Variants in PAK3 observed in about 807,000 individuals in gnomAD.
PAK3 encodes the protein p21 (RAC1) activated kinase 3.
PAK3 carries 4 observed loss-of-function variants against 41.0 expected under a neutral mutation model. The observed-to-expected ratio is 0.10, with a 90% CI of 0.05 to 0.22. PAK3 has a LOEUF of 0.22. Ranked by LOEUF, PAK3 falls within the 10% of genes least tolerant of loss-of-function variation. The probability of loss-of-function intolerance (pLI) is 1.00; values close to 1 mark genes in which losing one functional copy is unlikely to be tolerated. For synonymous variants in PAK3, 146 were observed against 139.6 expected (o/e 1.05, Z -0.32); for missense variants, 205 against 409.9 (o/e 0.50, Z 4.32).
intron 4 of PAK3, among the ~76,000 whole-genome samples, chrX:111,116,698 C>T (rs1395345589): frequency 8.9e-6 from 1 of 111,880 alleles, no homozygotes; most frequent in East Asian, 2.8e-4. Flanking sequence ...ATGGAAGTCA[C>T]TCATAAAAAT....
chrX:111,134,180 C>T (rs1249359632), intron 5 of PAK3, among the ~76,000 whole-genome samples: 1 of 111,899 alleles, frequency 8.9e-6, no homozygotes, highest in African/African-American at 3.2e-5. Flanking sequence ...TTTGCTCAAC[C>T]TTGAACCATG....
intron 1 of PAK3, among the ~76,000 whole-genome samples, chrX:111,006,849 C>CTTACTTTCTTTCT (rs2091936239): frequency 4.7e-5 from 2 of 42,726 alleles, no homozygotes; most frequent in Non-Finnish European, 8.7e-5. Context: ...TTCTTTCTTT[C>CTTACTTTCTTTCT]TTTTTTTTTT....
intron 1 of PAK3, among the ~76,000 whole-genome samples, chrX:111,036,279 T>C (rs1386322305): frequency 8.9e-6 from 1 of 112,829 alleles, no homozygotes; most frequent in African/African-American, 3.2e-5. Context: ...CACCATTATG[T>C]GAGAAATGGT....
rs1366987193 is a variant in PAK3, at chrX:111,079,859, C to T, written c.-27-43218C>T. ...TTTGGAAGAAGTTGATTCCAACCCT[C>T]TTAGATGACTTTGATTAGGTTTAAG... is the stretch of plus-strand genomic sequence containing the variant. On this transcript the variant is annotated intron_variant, in intron 1 of 14. Transcript: ENST00000425146. Among the ~76,000 whole-genome samples the T allele has an allele frequency of 5.4e-5, 6 of 112,020 alleles. No individual in the cohort carries two copies. The Admixed American group carries it at 5.7e-4, about 11-fold the overall frequency.
chrX:110,955,678 G>A (rs1428410390), intron 1 of PAK3, among the ~76,000 whole-genome samples: 4 of 111,675 alleles, frequency 3.6e-5, no homozygotes, highest in Non-Finnish European at 5.7e-5. Context: ...AAGAAACTAC[G>A]GTCTTGTAAG....
intron 5 of PAK3, among the ~76,000 whole-genome samples, chrX:111,141,670 G>T (rs1172851881): frequency 8.9e-6 from 1 of 111,891 alleles, no homozygotes; most frequent in Non-Finnish European, 1.9e-5. Context: ...CGTTAACATA[G>T]AAACAATTCA....
At chrX:111,130,222 A>T (rs1191860028) in intron 5 of PAK3, among the ~76,000 whole-genome samples, 1 of 111,463 alleles carries the variant, frequency 9.0e-6, no homozygotes, top group Admixed American at 9.6e-5. Context: ...TGCATGTGTG[A>T]GTGGGGGTGA....
chrX:111,163,105 G>A (rs1021577173), intron 9 of PAK3, 59 bp downstream of exon 9: 1 of 1,074,884 alleles, frequency 9.3e-7, no homozygotes, highest in African/African-American at 1.8e-5. Context: ...AATAGTCATA[G>A]AGTTAGAATA....
chrX:110,969,822 G>A (rs2091168582), intron 1 of PAK3, among the ~76,000 whole-genome samples: 1 of 111,790 alleles, frequency 8.9e-6, no homozygotes, highest in African/African-American at 3.2e-5. Context: ...GCTATGCTAG[G>A]TCTTTCCAAA....
intron 11 of PAK3, among the ~76,000 whole-genome samples, chrX:111,175,357 CATT>C (rs1198859046): frequency 9.0e-6 from 1 of 111,417 alleles, no homozygotes; most frequent in Non-Finnish European, 1.9e-5. Flanking sequence ...TAAAGTATCT[CATT>C]AATATATTTT....
At chrX:111,012,944 C>T (rs895755105) in intron 1 of PAK3, among the ~76,000 whole-genome samples, 5 of 111,346 alleles carry the variant, frequency 4.5e-5, no homozygotes, top group South Asian at 3.9e-4. Context: ...TCACAGCACC[C>T]GGCTTATTTT....
chrX:111,084,366 A>T (rs1731310936), intron 1 of PAK3, among the ~76,000 whole-genome samples: 1 of 112,619 alleles, frequency 8.9e-6, no homozygotes, highest in South Asian at 3.7e-4. Context: ...CAGATTATTG[A>T]TTTACTGGAT....
intron 1 of PAK3, among the ~76,000 whole-genome samples, chrX:110,953,102 T>C (rs2090779288): frequency 1.8e-5 from 2 of 112,334 alleles, no homozygotes; most frequent in South Asian, 3.7e-4. Flanking sequence ...GTCATGTTTT[T>C]CTTTTCTAAT....
chrX:111,163,525 C>A (rs1036599639), intron 9 of PAK3, 37 bp from the exon 10 acceptor site: 3 of 1,055,191 alleles, frequency 2.8e-6, no homozygotes, highest in Non-Finnish European at 4.0e-6. Flanking sequence ...TTTCCTTGGC[C>A]TGCTGTTTTA....
At chrX:111,195,044 T>G (rs1322226520) in intron 14 of PAK3, among the ~76,000 whole-genome samples, 1 of 112,373 alleles carries the variant, frequency 8.9e-6, no homozygotes, top group Non-Finnish European at 1.9e-5. Context: ...TGGAGTCTCA[T>G]CTTAGGCATT....
intron 1 of PAK3, among the ~76,000 whole-genome samples, chrX:110,977,583 T>C (rs1331423225): frequency 9.0e-6 from 1 of 110,882 alleles, no homozygotes; most frequent in Non-Finnish European, 1.9e-5. Context: ...CTTTCAACAA[T>C]GTTTTGTATT....
At position 111,097,611 on chromosome X, in the gene PAK3, A is replaced by G. The variant is rs2093032437; in HGVS notation, c.-249A>G. Reference sequence around the variant, plus strand: ...GGCCAAGTGTATGGCTGTCTGAGGTATTGGAACAGAAGGAGGTCCATTCCT... The same window carrying G: ...GGCCAAGTGTATGGCTGTCTGAGGTGTTGGAACAGAAGGAGGTCCATTCCT... On this transcript the variant is annotated 5_prime_UTR_variant, in exon 3 of 18. Transcript: ENST00000372007. 1 of 110,828 alleles carries G rather than the reference A, an allele frequency of 9.0e-6. No individual in the cohort carries two copies. Among genetic ancestry groups the G allele is most frequent in the Non-Finnish European group, 1.9e-5 (1 of 52,998 alleles). The allele number at this position is 110,828 out of a possible 1,213,427, so 9.1% of individuals were successfully genotyped here.
intron 1 of PAK3, among the ~76,000 whole-genome samples, chrX:110,991,516 G>C (rs1484754122): frequency 9.0e-6 from 1 of 111,423 alleles, no homozygotes; most frequent in Non-Finnish European, 1.9e-5. Flanking sequence ...AACTGAAAAG[G>C]GCTATTGTGA....
intron 1 of PAK3, among the ~76,000 whole-genome samples, chrX:111,008,152 A>G (rs1322468535): frequency 8.9e-6 from 1 of 112,307 alleles, no homozygotes; most frequent in Non-Finnish European, 1.9e-5. Flanking sequence ...AGTAGTTCAA[A>G]TCCAGTCTAG....
Sources: allele counts gnomAD v4.1 joint callset (sites outside exome capture counted in the v4.1 genomes callset), GRCh38; gene constraint gnomAD v4.1.1; transcripts MANE v1.5; gene names NCBI Gene and HGNC (gene_info 2026-07-23, HGNC 2026-07-21).